The following SLC2A9 variants were observed in gnomAD, a reference collection of about 807,000 sequenced individuals.
SLC2A9 encodes the protein solute carrier family 2, facilitated glucose transporter member 9.
A neutral mutation model predicts 50.6 loss-of-function variants in SLC2A9; 39 were observed. The observed-to-expected ratio is 0.77, with a 90% CI of 0.60 to 1.01. SLC2A9 has a LOEUF of 1.01. SLC2A9 is among the 50% of genes least tolerant of loss of function. The probability of loss-of-function intolerance (pLI) is 0.00; values close to 1 mark genes in which losing one functional copy is unlikely to be tolerated. For missense variants in SLC2A9, 686 were observed against 677.6 expected (o/e 1.01, Z -0.14); for synonymous variants, 324 against 276.9 (o/e 1.17, Z -1.69).
chr4:9,984,514 C>T (rs2109133495), intron 4 of SLC2A9, among the ~76,000 whole-genome samples: 1 of 152,248 alleles, frequency 6.6e-6, no homozygotes, highest in Non-Finnish European at 1.5e-5. Flanking sequence ...CACCATTTTA[C>T]AAATGGGAAA....
intron 6 of SLC2A9, among the ~76,000 whole-genome samples, chr4:9,934,198 T>G (rs1746656631): frequency 6.6e-6 from 1 of 152,174 alleles, no homozygotes; most frequent in Non-Finnish European, 1.5e-5. Context: ...AAGGAAGCCA[T>G]GAGATCTCCC....
chr4:9,994,959 CAGTG>C (rs2109269053), intron 3 of SLC2A9, among the ~76,000 whole-genome samples: 1 of 152,218 alleles, frequency 6.6e-6, no homozygotes, highest in Admixed American at 6.5e-5. Flanking sequence ...GGACCCTGGC[CAGTG>C]ATGCCAATCT....
rs1183351674 is a variant in SLC2A9, at chr4:9,845,423, A to ATTTTTTTTTTTTTT, written c.1292-10416_1292-10415insAAAAAAAAAAAAAA. Among the ~76,000 whole-genome samples the ATTTTTTTTTTTTTT allele has an allele frequency of 6.4e-4, 84 of 130,806 alleles. 4 individuals carry two copies. Among genetic ancestry groups the ATTTTTTTTTTTTTT allele is most frequent in the African/African-American group, 2.4e-3 (76 of 31,638 alleles). The allele number at this position is 130,806 out of a possible 152,430, so 85.8% of individuals were successfully genotyped here. A position where few individuals can be genotyped will look rare whatever the true frequency, so the allele number is the denominator to read the frequency against. On this transcript the variant is annotated intron_variant, in intron 10 of 11. Coordinates refer to ENST00000264784, the MANE Select transcript of SLC2A9 (RefSeq NM_020041.3). Reference sequence around the variant, plus strand: ...TATTCCAATGGAACCACGATCATCAATTTCTTTTTTTTTTTTTTTTTTTTG... The same window carrying ATTTTTTTTTTTTTT: ...TATTCCAATGGAACCACGATCATCAATTTTTTTTTTTTTTTTTCTTTTTTTTTTTTTTTTTTTTG...
intron 9 of SLC2A9, among the ~76,000 whole-genome samples, chr4:9,890,216 AG>A (rs1737117351): frequency 6.6e-6 from 1 of 152,226 alleles, no homozygotes; most frequent in Non-Finnish European, 1.5e-5. Context: ...TGTGACAACT[AG>A]GGAAGTGGCT....
At chr4:9,776,932 C>A (rs145301944), downstream of SLC2A9, among the ~76,000 whole-genome samples, 219 of 152,260 alleles carry the variant, frequency 1.4e-3, no homozygotes, top group African/African-American at 4.8e-3. Context: ...ATATCCTGAC[C>A]CTTTTACCTC....
intron 1 of SLC2A9, among the ~76,000 whole-genome samples, chr4:10,033,348 G>A (rs1282175946): frequency 6.6e-6 from 1 of 152,064 alleles, no homozygotes; most frequent in Non-Finnish European, 1.5e-5. Context: ...GCTTCCTTCT[G>A]ACTCAGATGG....
At chr4:9,811,453 A>G (rs1353341017) in intron 3 of SLC2A9, among the ~76,000 whole-genome samples, 1 of 152,228 alleles carries the variant, frequency 6.6e-6, no homozygotes, top group Non-Finnish European at 1.5e-5. Flanking sequence ...GTCAGAAGTC[A>G]GGCTGGGGCC....
chr4:9,825,163 C>T (rs1162301250), downstream of SLC2A9, among the ~76,000 whole-genome samples: 1 of 152,184 alleles, frequency 6.6e-6, no homozygotes, highest in African/African-American at 2.4e-5. Flanking sequence ...CTTTACTTTA[C>T]TTTAGGACAC....
At chr4:9,946,042 AACG>A (rs1185773668) in intron 5 of SLC2A9, among the ~76,000 whole-genome samples, 1 of 152,190 alleles carries the variant, frequency 6.6e-6, no homozygotes, top group African/African-American at 2.4e-5. Context: ...GGCGCCACCA[AACG>A]ACAACCTCAA....
chr4:9,826,706 A>G, intron 11 of SLC2A9, 106 bp from the exon 12 acceptor site: 1 of 1,017,888 alleles, frequency 9.8e-7, no homozygotes, highest in Non-Finnish European at 1.5e-6. Flanking sequence ...ATATACCAAT[A>G]CTCCTAGACA....
At chr4:9,865,678 C>T (rs1732331632) in intron 10 of SLC2A9, among the ~76,000 whole-genome samples, 1 of 152,208 alleles carries the variant, frequency 6.6e-6, no homozygotes, top group Non-Finnish European at 1.5e-5. Context: ...AGACATCACA[C>T]ATGGCTGGAG....
intron 9 of SLC2A9, among the ~76,000 whole-genome samples, chr4:9,889,643 G>A (rs1736986981): frequency 6.6e-6 from 1 of 152,190 alleles, no homozygotes. Flanking sequence ...TGCTAACAGT[G>A]CCTTCTTCTA....
chr4:9,953,731 T>G (rs1750706122), intron 5 of SLC2A9, among the ~76,000 whole-genome samples: 1 of 152,164 alleles, frequency 6.6e-6, no homozygotes. Flanking sequence ...CAGGTGGTTC[T>G]CCCACCTCAG....
chr4:9,783,296 C>A (rs557760549), intron 3 of SLC2A9: 1 of 1,614,208 alleles, frequency 6.2e-7, no homozygotes, highest in Admixed American at 1.7e-5. Flanking sequence ...CCCCGGCAAC[C>A]GGGAGGTGGA....
intron 3 of SLC2A9, among the ~76,000 whole-genome samples, chr4:9,992,195 A>G (rs569991876): frequency 6.6e-6 from 1 of 152,224 alleles, no homozygotes; most frequent in African/African-American, 2.4e-5. Context: ...CCACCTAACC[A>G]TGGCTTCAGG....
intron 5 of SLC2A9, among the ~76,000 whole-genome samples, chr4:9,946,766 A>G (rs533360297): frequency 9.2e-5 from 14 of 152,264 alleles, no homozygotes; most frequent in Admixed American, 3.3e-4. Flanking sequence ...TCTAAATACA[A>G]CCTTGATCTT....
intron 11 of SLC2A9, among the ~76,000 whole-genome samples, chr4:9,830,374 G>A (rs551748253): frequency 2.0e-5 from 3 of 152,292 alleles, no homozygotes; most frequent in African/African-American, 4.8e-5. Flanking sequence ...TTGTGGTGGA[G>A]GGAGAGTGTT....
intron 8 of SLC2A9, among the ~76,000 whole-genome samples, chr4:9,906,708 A>G (rs989665895): frequency 3.3e-5 from 5 of 152,204 alleles, no homozygotes; most frequent in African/African-American, 1.2e-4. Flanking sequence ...AACACCAATA[A>G]AATACTTTAC....
Position 9,826,841 on chromosome 4 carries a change from T to C in SLC2A9, c.1420-241A>G, listed in dbSNP as rs562038230. On this transcript the variant is annotated intron_variant, in intron 11 of 11. Coordinates refer to ENST00000264784, the MANE Select transcript of SLC2A9 (RefSeq NM_020041.3). ...TGAGAAAATGGCACTTTTTTGTTGTTGTTGTTGCAAATTTGGCATTTAAAA... is the reference window on the plus strand; with the variant it reads ...TGAGAAAATGGCACTTTTTTGTTGTCGTTGTTGCAAATTTGGCATTTAAAA... 2.5e-4 allele frequency among the ~76,000 whole-genome samples: 38 copies of C among 152,342 alleles called. No individual in the cohort carries two copies. In the South Asian group the frequency reaches 7.3e-3, roughly 29 times the overall value.
Sources: gnomAD v4.1 joint callset for allele counts (sites outside exome capture counted in the v4.1 genomes callset) on GRCh38, gnomAD v4.1.1 for gene constraint, MANE v1.5 for transcripts, NCBI Gene and HGNC (gene_info 2026-07-23, HGNC 2026-07-21) for gene names.